The following ADRA1A variants were observed in gnomAD, a reference collection of about 807,000 sequenced individuals.
The protein encoded by ADRA1A is adrenoceptor alpha 1A.
Under a neutral mutation model 29.6 loss-of-function variants are expected in ADRA1A, and 31 were observed. That is an observed-to-expected ratio of 1.05 (90% confidence interval 0.79 to 1.41). The LOEUF is 1.41. Among genes scored for constraint, ADRA1A ranks in the 40% most tolerant of loss-of-function variants. The pLI is 0.00. For missense variants in ADRA1A, 619 were observed against 601.1 expected (o/e 1.03, Z -0.31); for synonymous variants, 311 against 254.3 (o/e 1.22, Z -2.12).
chr8:26,829,425 A>G (rs1463970856), intron 2 of ADRA1A, among the ~76,000 whole-genome samples: 2 of 152,198 alleles, frequency 1.3e-5, no homozygotes, highest in Admixed American at 6.5e-5. Flanking sequence ...CTTAAAGCAA[A>G]GATATGGCAA....
chr8:26,769,690 T>C lies in ADRA1A; in HGVS notation c.*459A>G. On this transcript the variant is annotated 3_prime_UTR_variant, in exon 3 of 3. Transcript: ENST00000380573. ...GGCCACCATCTTAATGCTCTTCCTC[T>C]CTAGGCCCTCTCCCCATAAATGTCA... is the stretch of plus-strand genomic sequence containing the variant. 1 of 987,384 alleles carries C rather than the reference T, an allele frequency of 1.0e-6. No homozygotes were observed. Among genetic ancestry groups the C allele is most frequent in the Non-Finnish European group, 1.2e-6 (1 of 831,396 alleles). 61.2% of individuals were successfully genotyped at this position (987,384 alleles called of 1,614,324 possible). A position where few individuals can be genotyped will look rare whatever the true frequency, so the allele number is the denominator to read the frequency against.
At chr8:26,839,065 T>C (rs1210368371) in intron 2 of ADRA1A, among the ~76,000 whole-genome samples, 1 of 152,196 alleles carries the variant, frequency 6.6e-6, no homozygotes, top group Non-Finnish European at 1.5e-5. Flanking sequence ...TTTGTGTATT[T>C]AAAGCATATG....
At chr8:26,816,286 G>A (rs77365753) in intron 2 of ADRA1A, among the ~76,000 whole-genome samples, 19,747 of 152,200 alleles carry the variant, frequency 0.13, 1,548 homozygotes, top group Middle Eastern at 0.29. Flanking sequence ...GAGAAAAACC[G>A]TATTCCATGA....
chr8:26,785,841 G>A (rs1554495542), intron 2 of ADRA1A, among the ~76,000 whole-genome samples: 2 of 152,134 alleles, frequency 1.3e-5, no homozygotes, highest in Non-Finnish European at 2.9e-5. Flanking sequence ...TCACTGTTAA[G>A]AAAAAGTGAC....
chr8:26,801,549 A>G (rs897409530), intron 2 of ADRA1A, among the ~76,000 whole-genome samples: 6 of 152,302 alleles, frequency 3.9e-5, no homozygotes, highest in African/African-American at 1.4e-4. Context: ...CTAGGAATAA[A>G]CTTAACCAAA....
At chr8:26,783,793 T>A (rs1807169920) in intron 2 of ADRA1A, among the ~76,000 whole-genome samples, 1 of 152,200 alleles carries the variant, frequency 6.6e-6, no homozygotes. Flanking sequence ...TGCCCATCAA[T>A]GATAGACTGG....
downstream of ADRA1A, among the ~76,000 whole-genome samples, chr8:26,768,341 T>C (rs1426414799): frequency 6.6e-6 from 1 of 152,252 alleles, no homozygotes; most frequent in Non-Finnish European, 1.5e-5. Flanking sequence ...CAAATGGTCT[T>C]TAGTTTTAGA....
chr8:26,822,953 G>A (rs1810285726), intron 2 of ADRA1A, among the ~76,000 whole-genome samples: 1 of 152,132 alleles, frequency 6.6e-6, no homozygotes, highest in Non-Finnish European at 1.5e-5. Context: ...GGAAGATGGT[G>A]TCAAACTATG....
At chr8:26,766,821 C>T (rs1805817719), downstream of ADRA1A, among the ~76,000 whole-genome samples, 1 of 151,998 alleles carries the variant, frequency 6.6e-6, no homozygotes, top group Non-Finnish European at 1.5e-5. Flanking sequence ...GCAATGGGTG[C>T]AAAATTCCCT....
At chr8:26,842,364 A>G (rs1446630448) in intron 2 of ADRA1A, among the ~76,000 whole-genome samples, 1 of 152,174 alleles carries the variant, frequency 6.6e-6, no homozygotes, top group Non-Finnish European at 1.5e-5. Context: ...TATGATCAAT[A>G]CTAAAGGTTT....
chr8:26,864,943 G>C lies in ADRA1A; in HGVS notation c.27C>G (p.Ser9=), dbSNP rs754867148. 6.2e-7 allele frequency: 1 copy of C among 1,609,920 alleles called. No homozygotes were observed. The highest frequency in any genetic ancestry group is 1.3e-5 in the African/African-American group (1 of 74,898). MVFLSGNA[S]DSSNCTQPPA... is the part of the protein sequence containing the mutation. ...GCGGTTGGGTGCAGTTGGAGCTGTC[G>C]GAAGCATTTCCCGAGAGAAACACCA... Residue 9 remains serine (S), a synonymous_variant, in exon 2 of 3, where the codon TCC becomes TCG. Transcript: ENST00000380573. This position sits in a 1 kb window ranked among gnomAD's most constrained non-coding sequence, Gnocchi z 8.1.
intron 2 of ADRA1A, among the ~76,000 whole-genome samples, chr8:26,802,581 G>A (rs1808663814): frequency 6.6e-6 from 1 of 152,166 alleles, no homozygotes; most frequent in African/African-American, 2.4e-5. Context: ...GACAAATGCT[G>A]GTGAGGATGT....
intron 2 of ADRA1A, among the ~76,000 whole-genome samples, chr8:26,861,810 T>G (rs1040969377): frequency 2.0e-5 from 3 of 152,138 alleles, no homozygotes; most frequent in Non-Finnish European, 2.9e-5. Context: ...TCATCAACTT[T>G]ACCTGTAAAA....
intron 2 of ADRA1A, among the ~76,000 whole-genome samples, chr8:26,774,837 T>C (rs1806428488): frequency 6.6e-6 from 1 of 152,174 alleles, no homozygotes; most frequent in Non-Finnish European, 1.5e-5. Context: ...TCTCTCTTTC[T>C]CTGCCCAAAC....
At chr8:26,844,013 C>T (rs919098979) in intron 2 of ADRA1A, among the ~76,000 whole-genome samples, 1 of 152,132 alleles carries the variant, frequency 6.6e-6, no homozygotes, top group African/African-American at 2.4e-5. Flanking sequence ...CATGAGATAA[C>T]AAGTATTGTG....
At chr8:26,752,842 G>A (rs551159075), downstream of ADRA1A, among the ~76,000 whole-genome samples, 3 of 152,274 alleles carry the variant, frequency 2.0e-5, no homozygotes, top group Non-Finnish European at 4.4e-5. Flanking sequence ...CTAACTATAC[G>A]GCAGGCATTT....
chr8:26,793,229 C>A (rs1412191449), intron 2 of ADRA1A, among the ~76,000 whole-genome samples: 1 of 151,796 alleles, frequency 6.6e-6, no homozygotes, highest in Non-Finnish European at 1.5e-5. Context: ...TTTTAAAATG[C>A]TTAAAAATTG....
intron 2 of ADRA1A, among the ~76,000 whole-genome samples, chr8:26,808,340 T>C (rs1809146368): frequency 6.6e-6 from 1 of 152,240 alleles, no homozygotes; most frequent in South Asian, 2.1e-4. Context: ...TAGTATTCCA[T>C]TGTATGTATT....
Position 26,825,633 on chromosome 8 carries a change from A to T in ADRA1A, c.883+38454T>A, listed in dbSNP as rs1306433287. Among the ~76,000 whole-genome samples, 1 of 152,236 alleles carries T rather than the reference A, an allele frequency of 6.6e-6. No individual in the cohort carries two copies. Among genetic ancestry groups the T allele is most frequent in the East Asian group, 1.9e-4 (1 of 5,198 alleles). On this transcript the variant is annotated intron_variant, in intron 2 of 2. Transcript: ENST00000380573. This position sits in a 1 kb window ranked among gnomAD's most constrained non-coding sequence, Gnocchi z 5.7. The stretch of plus-strand genomic sequence containing the variant: ...TCACTTCCTCCAAAAAGTCTTTTTC[A>T]ACTATGTCAGCCTTCACAGAGCAAC...
Sources: allele counts gnomAD v4.1 joint callset (sites outside exome capture counted in the v4.1 genomes callset), GRCh38; gene constraint gnomAD v4.1.1; non-coding constraint Gnocchi (gnomAD v3.1); transcripts MANE v1.5; gene names NCBI Gene and HGNC (gene_info 2026-07-23, HGNC 2026-07-21).